ASIC2: variants seen among roughly 807,000 people sequenced by gnomAD.
ASIC2 encodes the protein acid sensing ion channel subunit 2, also known as acid-sensing ion channel 2.
In ASIC2, 25 loss-of-function variants were observed where a neutral mutation model predicts 57.3. The observed-to-expected ratio is 0.44, with a 90% CI of 0.32 to 0.61. ASIC2 has a LOEUF of 0.61. Among genes scored for constraint, ASIC2 ranks in the 20% least tolerant of loss-of-function variants. The pLI is 0.06. For missense variants in ASIC2, 641 were observed against 738.1 expected (o/e 0.87, Z 1.52); for synonymous variants, 319 against 307.5 (o/e 1.04, Z -0.39).
At chr17:33,932,380 T>A (rs971056081) in intron 1 of ASIC2, among the ~76,000 whole-genome samples, 5 of 152,132 alleles carry the variant, frequency 3.3e-5, no homozygotes, top group Non-Finnish European at 7.3e-5. Flanking sequence ...GTGGAAATGA[T>A]AATACTTTGG....
chr17:33,689,829 T>C (rs1567689629), intron 1 of ASIC2, among the ~76,000 whole-genome samples: 2 of 152,282 alleles, frequency 1.3e-5, no homozygotes, highest in South Asian at 2.1e-4. Flanking sequence ...GGCCATGTGA[T>C]AGAATTGGAG....
At chr17:33,468,198 C>G (rs930427886) in intron 1 of ASIC2, among the ~76,000 whole-genome samples, 1 of 152,108 alleles carries the variant, frequency 6.6e-6, no homozygotes. Flanking sequence ...TCCCCAGCCA[C>G]GATGGATTCC....
At chr17:33,483,718 T>C (rs1441999787) in intron 1 of ASIC2, among the ~76,000 whole-genome samples, 2 of 152,370 alleles carry the variant, frequency 1.3e-5, no homozygotes, top group East Asian at 3.9e-4. Context: ...GGCCTATTCA[T>C]GCTCTATCTT....
intron 1 of ASIC2, among the ~76,000 whole-genome samples, chr17:33,239,068 C>T (rs1420987922): frequency 6.6e-6 from 1 of 151,948 alleles, no homozygotes; most frequent in East Asian, 1.9e-4. Flanking sequence ...CCGAGGCAGG[C>T]GGATCACAAG....
chr17:33,178,542 T>A (rs1905852630), intron 1 of ASIC2, among the ~76,000 whole-genome samples: 1 of 152,220 alleles, frequency 6.6e-6, no homozygotes, highest in Non-Finnish European at 1.5e-5. Context: ...GCTTTGGATC[T>A]TATAGTCCAG....
Position 33,495,300 on chromosome 17 carries a change from C to A in ASIC2, c.556-383233G>T, listed in dbSNP as rs568145914. Among the ~76,000 whole-genome samples the A allele has an allele frequency of 1.1e-4, 17 of 152,266 alleles. No individual in the cohort carries two copies. The South Asian group carries it at 1.2e-3, about 11-fold the overall frequency. Reference sequence around the variant, plus strand: ...TGGGTACCCAGGGGATAACACCAACCTGCTGCCTTGTTTGGCCCCTGATCA... The same window carrying A: ...TGGGTACCCAGGGGATAACACCAACATGCTGCCTTGTTTGGCCCCTGATCA... On this transcript the variant is annotated intron_variant, in intron 1 of 9. Transcript: ENST00000359872.
intron 1 of ASIC2, among the ~76,000 whole-genome samples, chr17:33,462,808 C>G (rs1291613510): frequency 6.6e-6 from 1 of 152,104 alleles, no homozygotes; most frequent in African/African-American, 2.4e-5. Context: ...CAGTGAATGC[C>G]CATATGATAT....
intron 1 of ASIC2, among the ~76,000 whole-genome samples, chr17:33,576,727 C>T (rs759082389): frequency 6.6e-6 from 1 of 152,048 alleles, no homozygotes; most frequent in Non-Finnish European, 1.5e-5. Flanking sequence ...GATGTTTTCT[C>T]CTTACTCCCT....
At chr17:33,557,812 T>C (rs1177183453) in intron 1 of ASIC2, among the ~76,000 whole-genome samples, 3 of 152,190 alleles carry the variant, frequency 2.0e-5, no homozygotes, top group Non-Finnish European at 4.4e-5. Flanking sequence ...CCTAAAAATC[T>C]TTTGAAAACA....
intron 1 of ASIC2, among the ~76,000 whole-genome samples, chr17:33,519,608 G>A (rs1195226673): frequency 6.6e-6 from 1 of 152,156 alleles, no homozygotes; most frequent in African/African-American, 2.4e-5. Context: ...TCGGCTCACT[G>A]TCATGGAAAA....
intron 1 of ASIC2, among the ~76,000 whole-genome samples, chr17:33,328,366 G>A (rs1907163046): frequency 6.6e-6 from 1 of 152,160 alleles, no homozygotes; most frequent in African/African-American, 2.4e-5. Flanking sequence ...AGGTAGCTGG[G>A]CAAAGTTGAG....
intron 1 of ASIC2, among the ~76,000 whole-genome samples, chr17:33,167,172 C>T (rs1019308636): frequency 6.6e-6 from 1 of 152,146 alleles, no homozygotes; most frequent in Non-Finnish European, 1.5e-5. Context: ...CCCAAGCCAC[C>T]TTTGCCCTCT....
At chr17:33,702,597 G>C (rs943561522) in intron 1 of ASIC2, among the ~76,000 whole-genome samples, 2 of 152,118 alleles carry the variant, frequency 1.3e-5, no homozygotes, top group African/African-American at 4.8e-5. Context: ...GAATTAGGGA[G>C]ATCCCTATGA....
At chr17:33,818,102 C>A (rs879526843) in intron 1 of ASIC2, among the ~76,000 whole-genome samples, 1 of 152,136 alleles carries the variant, frequency 6.6e-6, no homozygotes, top group Non-Finnish European at 1.5e-5. Context: ...ATCAGCGCAG[C>A]CATAAAGATC....
At chr17:33,537,818 C>T (rs1010687427) in intron 1 of ASIC2, among the ~76,000 whole-genome samples, 1 of 152,096 alleles carries the variant, frequency 6.6e-6, no homozygotes, top group Non-Finnish European at 1.5e-5. Context: ...GTACGCCGAG[C>T]CTCAGGTCAG....
intron 1 of ASIC2, among the ~76,000 whole-genome samples, chr17:33,923,466 AG>A (rs1275534179): frequency 6.6e-6 from 1 of 152,254 alleles, no homozygotes; most frequent in Admixed American, 6.5e-5. Flanking sequence ...CAGGTTACCA[AG>A]GAAGAGACCA....
At chr17:34,005,284 A>G (rs1308405011) in intron 1 of ASIC2, 1 of 152,172 alleles carries the variant, frequency 6.6e-6, no homozygotes, top group Non-Finnish European at 1.5e-5. Flanking sequence ...CTGGTGCTGG[A>G]CACACTGCCA....
chr17:33,922,081 CTG>C (rs1410902572), intron 1 of ASIC2, among the ~76,000 whole-genome samples: 1 of 152,190 alleles, frequency 6.6e-6, no homozygotes, highest in East Asian at 1.9e-4. Context: ...GGTGAGGAAA[CTG>C]AGACCAAGTC....
chr17:33,677,934 C>T (rs3103659), intron 1 of ASIC2, among the ~76,000 whole-genome samples: 2 of 152,012 alleles, frequency 1.3e-5, no homozygotes, highest in Non-Finnish European at 2.9e-5. Flanking sequence ...GTTTTGAAGG[C>T]GTGGGTAAAC....
Sources: gnomAD v4.1 joint callset for allele counts (sites outside exome capture counted in the v4.1 genomes callset) on GRCh38, gnomAD v4.1.1 for gene constraint, MANE v1.5 for transcripts, NCBI Gene and HGNC (gene_info 2026-07-23, HGNC 2026-07-21) for gene names.